The following MDM1 variants were observed in gnomAD, a reference collection of about 807,000 sequenced individuals.
MDM1 encodes stabilizer of axonemal microtubules 6.
In MDM1, 61 loss-of-function variants were observed where a neutral mutation model predicts 89.1. The observed-to-expected ratio is 0.68, with a 90% CI of 0.56 to 0.85. The LOEUF is 0.85. Among genes scored for constraint, MDM1 ranks in the 40% least tolerant of loss-of-function variants. The probability of loss-of-function intolerance (pLI) is 0.00; values close to 1 mark genes in which losing one functional copy is unlikely to be tolerated. For missense variants in MDM1, 820 were observed against 846.5 expected, an observed-to-expected ratio of 0.97 and a Z score of 0.39; for synonymous variants, 290 against 294.1, an observed-to-expected ratio of 0.99 and a Z score of 0.14.
At chr12:68,314,231 C>T (rs560173008) in intron 10 of MDM1, among the ~76,000 whole-genome samples, 2 of 151,642 alleles carry the variant, frequency 1.3e-5, no homozygotes, top group African/African-American at 4.8e-5. Context: ...ACTGAAATTT[C>T]CAATAATGAA....
At chr12:68,332,044 C>T (rs1055607431) in intron 1 of MDM1, 184 bp downstream of exon 1, 14 of 764,242 alleles carry the variant, frequency 1.8e-5, no homozygotes, top group Non-Finnish European at 3.0e-5. Context: ...TGTGAGTGAG[C>T]GGAGAGGGAA....
rs527868926 is a variant in MDM1, at chr12:68,321,184, T to C, written c.1005+163A>G. ...GAGCCAGTGGCATTAAAAAAAATGATAATTTACATTCTAATACATAAGTTC... is the reference window on the plus strand; with the variant it reads ...GAGCCAGTGGCATTAAAAAAAATGACAATTTACATTCTAATACATAAGTTC... On this transcript the variant is annotated intron_variant, in intron 7 of 14. Transcript: ENST00000682720. The C allele has an allele frequency of 2.9e-4, 130 of 446,148 alleles. No individual in the cohort carries two copies. In the East Asian group the frequency reaches 3.9e-3, roughly 13 times the overall value. 27.6% of individuals were successfully genotyped at this position (446,148 alleles called of 1,614,324 possible). A position where few individuals can be genotyped will look rare whatever the true frequency, so the allele number is the denominator to read the frequency against.
intron 7 of MDM1, among the ~76,000 whole-genome samples, chr12:68,318,483 G>A (rs1874788981): frequency 6.6e-6 from 1 of 152,104 alleles, no homozygotes; most frequent in Non-Finnish European, 1.5e-5. Context: ...TTAAAACTAA[G>A]TGCTTTAAAT....
chr12:68,302,634 T>C lies in MDM1; in HGVS notation c.1988A>G (p.Glu663Gly). ...AAAATAATTACCATTGTGCTGAAAC[T>C]CTGGATCTCTAAGAGAGCCCTGAAT... ...RRIQGSLRDP[E>G]FQHNVGKARM... The change falls in exon 13 of 15, where the codon GAG becomes GGG. Residue 663 changes from glutamate (E) to glycine (G), a missense_variant. By Grantham distance (98) the Glu-to-Gly change is moderately conservative. Transcript: ENST00000682720. 2 of 1,612,790 alleles carry C rather than the reference T, an allele frequency of 1.2e-6. No individual in the cohort carries two copies. The highest frequency in any genetic ancestry group is 1.7e-6 in the Non-Finnish European group (2 of 1,179,358).
intron 13 of MDM1, among the ~76,000 whole-genome samples, chr12:68,297,287 G>A (rs2120710026): frequency 6.6e-6 from 1 of 152,306 alleles, no homozygotes; most frequent in African/African-American, 2.4e-5. Flanking sequence ...TTAAAGAAAT[G>A]TAGTAGGCTT....
intron 12 of MDM1, among the ~76,000 whole-genome samples, chr12:68,309,591 C>A (rs1029364564): frequency 5.3e-5 from 8 of 152,148 alleles, no homozygotes; most frequent in Non-Finnish European, 8.8e-5. Flanking sequence ...ATGAAGTGAG[C>A]AAATCCACAC....
rs1167184183 is a variant in MDM1, at chr12:68,316,640, T to C, written c.1006-30A>G. On this transcript the variant is annotated intron_variant, in intron 7 of 14. Coordinates refer to ENST00000682720, the MANE Select transcript of MDM1 (RefSeq NM_001354969.2). ...AGAAGGAATACAGAAACACACTTAA[T>C]GATAGGTTAATGCCATAATTGAATA... 56 of 1,506,058 alleles carry C rather than the reference T, an allele frequency of 3.7e-5. No individual in the cohort carries two copies. The East Asian group carries it at 1.4e-3, about 36-fold the overall frequency. The allele number at this position is 1,506,058 out of a possible 1,614,324, so 93.3% of individuals were successfully genotyped here.
At chr12:68,328,817 A>T in intron 2 of MDM1, among the ~76,000 whole-genome samples, 1 of 152,196 alleles carries the variant, frequency 6.6e-6, no homozygotes, top group African/African-American at 2.4e-5. Context: ...ATCCTCGGTA[A>T]CACTGCTGTT....
At chr12:68,318,439 CTT>C (rs1429624735) in intron 7 of MDM1, among the ~76,000 whole-genome samples, 1 of 152,128 alleles carries the variant, frequency 6.6e-6, no homozygotes, top group Non-Finnish European at 1.5e-5. Flanking sequence ...ATTCTGAAGA[CTT>C]TGATTTATTC....
At chr12:68,326,233 C>T in intron 3 of MDM1, 1 of 1,129,696 alleles carries the variant, frequency 8.9e-7, no homozygotes, top group Non-Finnish European at 1.1e-6. Context: ...GCTCTCCTTC[C>T]TTTTGCATTT....
rs185107188 is a variant in MDM1 at position 68,296,967 on chromosome 12, A to G, written c.2018T>C (p.Met673Thr). The G allele has an allele frequency of 2.2e-4, 353 of 1,594,338 alleles. 1 individual carries two copies. In the East Asian group the frequency reaches 5.4e-3, roughly 24 times the overall value. ...ATGTTGAGGTAACTGCAAATTGTTC[A>G]TCCTTGCTTTTCCCACTTAAAAAAA... ...EFQHNVGKAR[M>T]NNLQLPQHEA... The change falls in exon 14 of 15, where the codon ATG (methionine) becomes ACG (threonine). Residue 673 changes from methionine to threonine, a missense_variant. By Grantham distance (81) the Met-to-Thr change is moderately conservative (BLOSUM62 -1). Transcript: ENST00000682720.
rs550390873 is a variant in MDM1 at position 68,316,331 on chromosome 12, A to G, written c.1036-78T>C. 363 of 1,430,354 alleles carry G rather than the reference A, an allele frequency of 2.5e-4. 1 individual carries two copies. Among genetic ancestry groups the G allele is most frequent in the Non-Finnish European group, 3.1e-4 (327 of 1,058,836 alleles). The allele number at this position is 1,430,354 out of a possible 1,614,324, so 88.6% of individuals were successfully genotyped here. A position where few individuals can be genotyped will look rare whatever the true frequency, so the allele number is the denominator to read the frequency against. ...CAGCACCAAGTAGCATATCAAAGAC[A>G]TTGCACAAATACAGCCAGGGACCAA... On this transcript the variant is annotated intron_variant, in intron 8 of 14. Coordinates refer to ENST00000682720, the MANE Select transcript of MDM1 (RefSeq NM_001354969.2).
rs773004751 is a variant in MDM1, at chr12:68,315,226, A to G, written c.1251T>C (p.Ser417=). The change falls in exon 10 of 15, where the codon TCT becomes TCC. Residue 417 remains serine (S), a synonymous_variant. Coordinates refer to ENST00000682720, the MANE Select transcript of MDM1 (RefSeq NM_001354969.2). ...TSHKTLQKCP[S]TEPEEKGNIV... is the part of the protein sequence containing the mutation. ...TATTTCCTTTTTCTTCTGGTTCTGT[A>G]GAAGGACATTTCTGCAAAGTCTTAT... The G allele has an allele frequency of 2.2e-5, 35 of 1,614,062 alleles. No homozygotes were observed. Among genetic ancestry groups the G allele is most frequent in the Non-Finnish European group, 2.9e-5 (34 of 1,180,042 alleles).
intron 9 of MDM1, 39 bp from the exon 10 acceptor site, chr12:68,315,304 T>C (rs1164919563): frequency 6.4e-7 from 1 of 1,567,778 alleles, no homozygotes; most frequent in Admixed American, 1.8e-5. Flanking sequence ...ATGTGAATAG[T>C]TTGCACTTTT....
chr12:68,308,405 C>A (rs375618081), intron 12 of MDM1, among the ~76,000 whole-genome samples: 2 of 152,176 alleles, frequency 1.3e-5, no homozygotes, highest in African/African-American at 4.8e-5. Context: ...GAATTACAGG[C>A]ATGAGCCACT....
At chr12:68,316,345 G>T in intron 8 of MDM1, 92 bp from the exon 9 acceptor site, 1 of 1,372,166 alleles carries the variant, frequency 7.3e-7, no homozygotes, top group Non-Finnish European at 9.8e-7. Flanking sequence ...CACAAATACA[G>T]CCAGGGACCA....
chr12:68,323,644 C>T (rs1477301189), intron 4 of MDM1, among the ~76,000 whole-genome samples: 1 of 151,884 alleles, frequency 6.6e-6, no homozygotes, highest in Non-Finnish European at 1.5e-5. Flanking sequence ...GCTTTTCTTC[C>T]CTTGGCTTAT....
At chr12:68,309,040 T>C (rs1036867398) in intron 12 of MDM1, among the ~76,000 whole-genome samples, 1 of 152,370 alleles carries the variant, frequency 6.6e-6, no homozygotes, top group East Asian at 1.9e-4. Context: ...CACAGCCTAC[T>C]CTTGCCTCCT....
Position 68,296,983 on chromosome 12 carries a change from C to T in MDM1, c.2003-1G>A. ...AAATTGTTCATCCTTGCTTTTCCCA[C>T]TTAAAAAAAAAAAGGCAGAATAAAT... On this transcript the variant is annotated splice_acceptor_variant, in intron 13 of 14. Coordinates refer to ENST00000682720, the MANE Select transcript of MDM1 (RefSeq NM_001354969.2). LOFTEE classifies it high-confidence loss of function. 6.3e-7 allele frequency: 1 copy of T among 1,579,718 alleles called. No individual in the cohort carries two copies. Among genetic ancestry groups the T allele is most frequent in the Non-Finnish European group, 8.6e-7 (1 of 1,166,568 alleles).
Sources: allele counts gnomAD v4.1 joint callset (sites outside exome capture counted in the v4.1 genomes callset), GRCh38; gene constraint gnomAD v4.1.1; transcripts MANE v1.5; gene names NCBI Gene and HGNC (gene_info 2026-07-23, HGNC 2026-07-21).